Variants in TLN2 observed in about 807,000 individuals in gnomAD.
The protein encoded by TLN2 is talin-2.
Under a neutral mutation model 294.7 loss-of-function variants are expected in TLN2, and 118 were observed. The ratio of observed to expected loss-of-function variants is 0.40; its 90% confidence interval spans 0.34 to 0.47. The LOEUF is 0.47. TLN2 is among the 20% of genes least tolerant of loss of function. TLN2 has a pLI of 0.84. For synonymous variants in TLN2, 1,431 were observed against 1,304.5 expected (o/e 1.10, Z -2.09); for missense variants, 3,083 against 3,282.2 (o/e 0.94, Z 1.48).
intron 1 of TLN2, among the ~76,000 whole-genome samples, chr15:62,470,516 C>T (rs1017942452): frequency 2.0e-5 from 3 of 152,240 alleles, no homozygotes; most frequent in African/African-American, 2.4e-5. Context: ...ACTAGCTGGC[C>T]CTTCACAGGC....
rs183715400 is a variant in TLN2, at chr15:62,704,159, A to G, written c.2004+1295A>G. 3.9e-3 allele frequency among the ~76,000 whole-genome samples: 594 copies of G among 152,240 alleles called. 5 individuals are homozygous for G. The highest frequency in any genetic ancestry group is 7.1e-3 in the Non-Finnish European group (481 of 68,022). ...TTTTTTGAATTATTTATTTATATAT[A>G]TAATGAAATATTTACTTAGAAGAAA... is the stretch of plus-strand genomic sequence containing the variant. On this transcript the variant is annotated intron_variant, in intron 19 of 58. Transcript: ENST00000636159.
rs1381024334 is a variant in TLN2, at chr15:62,539,215, C to T, written c.-237-50472C>T. Among the ~76,000 whole-genome samples, 5 of 152,270 alleles carry T rather than the reference C, an allele frequency of 3.3e-5. 1 individual carries two copies. In the South Asian group the frequency reaches 6.2e-4, roughly 19 times the overall value. On this transcript the variant is annotated intron_variant, in intron 1 of 58. Transcript: ENST00000636159. Reference sequence around the variant, plus strand: ...TGAGGCAGTGCTGATAGAATTGAGGCGTGCTTTCTTGGAAGCATTTTCATT... The same window carrying T: ...TGAGGCAGTGCTGATAGAATTGAGGTGTGCTTTCTTGGAAGCATTTTCATT...
chr15:62,623,575 C>G (rs574314812), intron 3 of TLN2, among the ~76,000 whole-genome samples: 1 of 152,286 alleles, frequency 6.6e-6, no homozygotes, highest in African/African-American at 2.4e-5. Flanking sequence ...TAAATTGTAG[C>G]TAATCTATGT....
At chr15:62,504,813 G>T (rs923279328) in intron 1 of TLN2, among the ~76,000 whole-genome samples, 1 of 147,114 alleles carries the variant, frequency 6.8e-6, no homozygotes, top group Admixed American at 6.8e-5. Flanking sequence ...GAAAGTAGTT[G>T]GTGGGGTGTG....
intron 46 of TLN2, among the ~76,000 whole-genome samples, chr15:62,793,988 G>A (rs541023464): frequency 5.3e-4 from 80 of 151,886 alleles, no homozygotes; most frequent in African/African-American, 1.8e-3. Flanking sequence ...CTCCACAGAC[G>A]AGGAAATAAA....
At chr15:62,576,813 A>C (rs902498541) in intron 1 of TLN2, among the ~76,000 whole-genome samples, 2 of 152,128 alleles carry the variant, frequency 1.3e-5, no homozygotes, top group Admixed American at 1.3e-4. Flanking sequence ...CTGATTCTGG[A>C]AATCCGAGGG....
chr15:62,690,795 G>A (rs1191470974), intron 12 of TLN2, among the ~76,000 whole-genome samples: 1 of 151,204 alleles, frequency 6.6e-6, no homozygotes, highest in Admixed American at 6.5e-5. Context: ...CGGATCACTC[G>A]CGGTTAGGAG....
At chr15:62,408,456 A>G (rs1447393149) in intron 1 of TLN2, among the ~76,000 whole-genome samples, 3 of 152,196 alleles carry the variant, frequency 2.0e-5, no homozygotes, top group Non-Finnish European at 4.4e-5. Flanking sequence ...ACTTAGAGCA[A>G]GCAGCCCAAT....
intron 46 of TLN2, among the ~76,000 whole-genome samples, chr15:62,793,374 GA>G (rs910912446): frequency 3.9e-5 from 6 of 152,166 alleles, no homozygotes; most frequent in African/African-American, 1.4e-4. Context: ...GGGTAGTGAA[GA>G]AGGCTCTAAG....
intron 1 of TLN2, among the ~76,000 whole-genome samples, chr15:62,582,868 G>C (rs995941557): frequency 6.6e-6 from 1 of 152,170 alleles, no homozygotes; most frequent in African/African-American, 2.4e-5. Flanking sequence ...ACCAGAAGTT[G>C]AGGATTGCCA....
intron 34 of TLN2, among the ~76,000 whole-genome samples, chr15:62,751,921 C>G (rs994958558): frequency 3.9e-5 from 6 of 152,192 alleles, no homozygotes; most frequent in African/African-American, 1.4e-4. Flanking sequence ...CAAATGATAT[C>G]TGGAAGGGTG....
intron 1 of TLN2, among the ~76,000 whole-genome samples, chr15:62,424,911 C>T (rs2034616252): frequency 6.7e-6 from 1 of 149,152 alleles, no homozygotes; most frequent in Non-Finnish European, 1.5e-5. Context: ...CCTTGGCCTC[C>T]CGCAGTGTTG....
rs569205116 is a variant in TLN2 at position 62,620,343 on chromosome 15, C to T, written c.-37+1868C>T. 2.0e-5 allele frequency among the ~76,000 whole-genome samples: 3 copies of T among 152,144 alleles called. No individual in the cohort carries two copies. The South Asian group carries it at 6.2e-4, about 32-fold the overall frequency. On this transcript the variant is annotated intron_variant, in intron 3 of 58. Transcript: ENST00000636159. The stretch of plus-strand genomic sequence containing the variant: ...TTGGCCAATATATAAGCAAATTTAC[C>T]AGCATCCTATACCACTGGAAGAAGT...
At chr15:62,832,545 G>GTTTTAGCAGCAAAGGAGATGGTGGTGAAT (rs2068981503) in intron 54 of TLN2, 7 of 152,260 alleles carry the variant, frequency 4.6e-5, no homozygotes, top group Non-Finnish European at 7.3e-5. Context: ...TTCCTGAGTT[G>GTTTTAGCAGCAAAGGAGATGGTGGTGAAT]TTTTAGCAGC....
intron 25 of TLN2, among the ~76,000 whole-genome samples, chr15:62,721,636 A>C (rs945316715): frequency 6.6e-6 from 1 of 152,150 alleles, no homozygotes; most frequent in Non-Finnish European, 1.5e-5. Context: ...ATGCTCTTTG[A>C]TCCAGAAATT....
At chr15:62,696,257 C>T (rs1056938541) in intron 14 of TLN2, among the ~76,000 whole-genome samples, 3 of 152,222 alleles carry the variant, frequency 2.0e-5, no homozygotes, top group African/African-American at 7.2e-5. Flanking sequence ...GCAGCTGCAC[C>T]TCCACCTTCC....
At position 62,835,721 on chromosome 15, in the gene TLN2, C is replaced by G; in HGVS notation, c.7129-16C>G. 7 of 1,614,076 alleles carry G rather than the reference C, an allele frequency of 4.3e-6. No individual in the cohort carries two copies. The highest frequency in any genetic ancestry group is 2.2e-5 in the East Asian group (1 of 44,870). ...CTGCCTGCCCTCATGGCCAATTTCT[C>G]GACTCTACTCTCTAGGTGGGCTCCA... is the stretch of plus-strand genomic sequence containing the variant. On this transcript the variant is annotated splice_polypyrimidine_tract_variant and intron_variant, in intron 55 of 58. Coordinates refer to ENST00000636159, the MANE Select transcript of TLN2 (RefSeq NM_015059.3).
chr15:62,697,317 C>T (rs2058413464), intron 14 of TLN2, among the ~76,000 whole-genome samples: 1 of 152,174 alleles, frequency 6.6e-6, no homozygotes, highest in Non-Finnish European at 1.5e-5. Context: ...TTATGTTGCC[C>T]AGGCTGGTCT....
At chr15:62,412,738 T>G (rs1434521374) in intron 1 of TLN2, among the ~76,000 whole-genome samples, 1 of 152,172 alleles carries the variant, frequency 6.6e-6, no homozygotes, top group Non-Finnish European at 1.5e-5. Context: ...TTTCTAATGC[T>G]CCCCTAGACT....
Sources: allele counts gnomAD v4.1 joint callset (sites outside exome capture counted in the v4.1 genomes callset), GRCh38; gene constraint gnomAD v4.1.1; transcripts MANE v1.5; gene names NCBI Gene and HGNC (gene_info 2026-07-23, HGNC 2026-07-21).